PCDHA7: variants seen among roughly 807,000 people sequenced by gnomAD.
PCDHA7 encodes the protein protocadherin alpha 7, also known as protocadherin alpha-7.
Under a neutral mutation model 57.2 loss-of-function variants are expected in PCDHA7, and 37 were observed. The observed-to-expected ratio is 0.65, with a 90% CI of 0.50 to 0.85. The LOEUF (loss-of-function observed/expected upper bound fraction) is 0.85. Among genes scored for constraint, PCDHA7 ranks in the 40% least tolerant of loss-of-function variants. PCDHA7 has a pLI of 0.00. For synonymous variants in PCDHA7, 553 were observed against 558.8 expected (o/e 0.99, Z 0.15); for missense variants, 1,188 against 1,241.8 (o/e 0.96, Z 0.65).
intron 1 of PCDHA7, among the ~76,000 whole-genome samples, chr5:140,941,795 T>G (rs1175900170): frequency 5.9e-5 from 9 of 152,226 alleles, no homozygotes; most frequent in Admixed American, 2.6e-4. Flanking sequence ...CCAAGAATAT[T>G]TAGTTGATTT....
At chr5:140,871,288 G>A (rs1254609310) in intron 1 of PCDHA7, 2 of 1,613,786 alleles carry the variant, frequency 1.2e-6, no homozygotes, top group Non-Finnish European at 1.7e-6. Context: ...GCCCACTGAG[G>A]GCGCGTGCGC....
intron 1 of PCDHA7, chr5:140,927,930 G>A (rs782236455): frequency 1.9e-5 from 30 of 1,614,062 alleles, no homozygotes; most frequent in Admixed American, 5.0e-5. Flanking sequence ...TGACTCTTTC[G>A]AACCCAGTAC....
intron 1 of PCDHA7, chr5:140,877,810 C>G (rs782370638): frequency 3.1e-6 from 5 of 1,610,364 alleles, no homozygotes; most frequent in Admixed American, 3.4e-5. Context: ...TCAGCTGTCT[C>G]GAGAAGATTG....
At chr5:140,953,948 C>A (rs1012464637) in intron 1 of PCDHA7, among the ~76,000 whole-genome samples, 2 of 152,092 alleles carry the variant, frequency 1.3e-5, no homozygotes, top group Non-Finnish European at 2.9e-5. Context: ...CATTGCTCCC[C>A]CAACAGGCCC....
chr5:140,965,814 T>C (rs1423732818), intron 1 of PCDHA7, among the ~76,000 whole-genome samples: 1 of 152,224 alleles, frequency 6.6e-6, no homozygotes, highest in Non-Finnish European at 1.5e-5. Flanking sequence ...AAACAGAGCA[T>C]TTTAAACATT....
At chr5:140,966,542 G>C (rs926112867) in intron 1 of PCDHA7, 4 of 464,302 alleles carry the variant, frequency 8.6e-6, no homozygotes, top group Non-Finnish European at 1.5e-5. Flanking sequence ...GAGCGACTCG[G>C]AGGCGAGCGG....
intron 1 of PCDHA7, among the ~76,000 whole-genome samples, chr5:140,942,621 A>T (rs1038877515): frequency 1.5e-3 from 44 of 29,368 alleles, no homozygotes; most frequent in African/African-American, 6.9e-3. Flanking sequence ...GCCAATTGTA[A>T]AAAAAAAAAT....
intron 1 of PCDHA7, chr5:140,882,310 A>G (rs2059059274): frequency 6.2e-7 from 1 of 1,613,930 alleles, no homozygotes; most frequent in Non-Finnish European, 8.5e-7. Context: ...CGCGGCAACT[A>G]CTGCTCTGGC....
intron 1 of PCDHA7, chr5:140,881,495 T>C (rs2058735247): frequency 3.5e-6 from 1 of 288,914 alleles, no homozygotes; most frequent in Non-Finnish European, 5.2e-6. Flanking sequence ...TTTATGCACA[T>C]ACACACACTC....
chr5:140,939,501 G>A (rs1270789150), intron 1 of PCDHA7, among the ~76,000 whole-genome samples: 1 of 150,708 alleles, frequency 6.6e-6, no homozygotes. Context: ...TAAATTCAAT[G>A]TCTATAACAT....
At chr5:140,943,278 G>A (rs246067) in intron 1 of PCDHA7, among the ~76,000 whole-genome samples, 37,737 of 121,894 alleles carry the variant, frequency 0.31, 6,744 homozygotes, top group East Asian at 0.43. Flanking sequence ...AAAAAAAAAA[G>A]AAAGAAAGAA....
intron 1 of PCDHA7, chr5:140,876,290 T>C: frequency 6.2e-7 from 1 of 1,614,074 alleles, no homozygotes; most frequent in Non-Finnish European, 8.5e-7. Flanking sequence ...GACGAAGGAC[T>C]TAATGGAGAA....
intron 1 of PCDHA7, chr5:140,863,012 G>T (rs1562573828): frequency 1.8e-6 from 1 of 552,298 alleles, no homozygotes; most frequent in Non-Finnish European, 3.6e-6. Context: ...CAGCTATGAC[G>T]CCTGGTTGTC....
chr5:140,939,565 A>G (rs560033193), intron 1 of PCDHA7, among the ~76,000 whole-genome samples: 24 of 152,096 alleles, frequency 1.6e-4, no homozygotes, highest in African/African-American at 5.8e-4. Flanking sequence ...TAGTTTGGTT[A>G]ATCAAAATGG....
intron 1 of PCDHA7, chr5:140,852,271 A>C (rs1554145738): frequency 6.0e-6 from 3 of 502,014 alleles, no homozygotes; most frequent in African/African-American, 2.1e-5. Context: ...ACAATATTAC[A>C]TGTTTTTTGT....
chr5:140,870,880 G>C (rs782304708), intron 1 of PCDHA7: 1 of 1,613,948 alleles, frequency 6.2e-7, no homozygotes, highest in South Asian at 1.1e-5. Context: ...GGTGGCGAAG[G>C]TGCGCGCAGT....
rs376697527 is a variant in PCDHA7, at chr5:140,912,219, T to G, written c.2356-66730T>G. ...CCCAGATTGAGGGTAGATCTGCCTT[T>G]CCCAGTCCACTGACTCAAATGTTAA... On this transcript the variant is annotated intron_variant, in intron 1 of 3. Transcript: ENST00000525929. 4.3e-4 allele frequency among the ~76,000 whole-genome samples: 66 copies of G among 152,026 alleles called. 1 individual carries two copies. In the South Asian group the frequency reaches 0.013, roughly 30 times the overall value.
At chr5:140,909,451 G>T (rs1433382775) in intron 1 of PCDHA7, among the ~76,000 whole-genome samples, 1 of 152,216 alleles carries the variant, frequency 6.6e-6, no homozygotes, top group African/African-American at 2.4e-5. Flanking sequence ...CATTCTCCAA[G>T]ATCCATCTGT....
intron 1 of PCDHA7, chr5:140,856,217 G>C: frequency 6.3e-7 from 1 of 1,598,130 alleles, no homozygotes; most frequent in Non-Finnish European, 8.6e-7. Flanking sequence ...GGAGCTGGCG[G>C]AGCTGGTGCA....
Sources: allele counts gnomAD v4.1 joint callset (sites outside exome capture counted in the v4.1 genomes callset), GRCh38; gene constraint gnomAD v4.1.1; transcripts MANE v1.5; gene names NCBI Gene and HGNC (gene_info 2026-07-23, HGNC 2026-07-21).